The following LGSN variants were observed in gnomAD, a reference collection of about 807,000 sequenced individuals.
LGSN encodes lengsin, lens protein with glutamine synthetase domain.
A neutral mutation model predicts 19.5 loss-of-function variants in LGSN; 21 were observed. The ratio of observed to expected loss-of-function variants is 1.07; its 90% CI spans 0.76 to 1.55. LGSN has a LOEUF of 1.55. Ranked by LOEUF, LGSN falls within the 40% of genes most tolerant of loss-of-function variation. The pLI is 0.00. For missense variants in LGSN, 673 were observed against 608.5 expected (o/e 1.11, Z -1.12); for synonymous variants, 257 against 215.6 (o/e 1.19, Z -1.68).
the LGSN span, among the ~76,000 whole-genome samples, chr6:63,386,988 C>A: frequency 6.6e-5 from 10 of 152,066 alleles, no homozygotes; most frequent in African/African-American, 1.9e-4. Context: ...GTAATCCCAG[C>A]AACTCAGGAG....
the LGSN span, among the ~76,000 whole-genome samples, chr6:63,439,213 G>A: frequency 1.3e-5 from 2 of 152,086 alleles, no homozygotes; most frequent in Admixed American, 6.6e-5. Context: ...GTGGGGTGGG[G>A]GCAGTGGGGA....
chr6:63,277,207 CAG>C lies in LGSN; in HGVS notation c.*2812_*2813del, dbSNP rs1174439780. ...AAACGGCTTCAAACACTGTGATTAT[CAG>C]ACTTTTTACAGCATCTTTACTCATT... On this transcript the variant is annotated 3_prime_UTR_variant, in exon 4 of 4. Coordinates refer to ENST00000370657, the MANE Select transcript of LGSN (RefSeq NM_016571.3). 3 of 152,142 alleles carry C rather than the reference CAG, an allele frequency of 2.0e-5. No homozygotes were observed. The highest frequency in any genetic ancestry group is 7.2e-5 in the African/African-American group (3 of 41,424). The allele number at this position is 152,142 out of a possible 1,614,324, so 9.4% of individuals were successfully genotyped here. A position where few individuals can be genotyped will look rare whatever the true frequency, so the allele number is the denominator to read the frequency against.
the LGSN span, among the ~76,000 whole-genome samples, chr6:63,329,192 T>C: frequency 6.6e-6 from 1 of 152,326 alleles, no homozygotes; most frequent in East Asian, 1.9e-4. Flanking sequence ...GCTTAGATCT[T>C]GGGCCAGTGC....
At chr6:63,554,023 A>G in the LGSN span, among the ~76,000 whole-genome samples, 3 of 152,224 alleles carry the variant, frequency 2.0e-5, no homozygotes, top group Admixed American at 6.5e-5. Context: ...AGAAATTTCC[A>G]TAGACATTGA....
chr6:63,532,902 A>G, the LGSN span, among the ~76,000 whole-genome samples: 1 of 152,184 alleles, frequency 6.6e-6, no homozygotes, highest in Non-Finnish European at 1.5e-5. Context: ...TAGCTAATCC[A>G]TTAATAATTA....
At chr6:63,415,796 G>A in the LGSN span, among the ~76,000 whole-genome samples, 1 of 152,140 alleles carries the variant, frequency 6.6e-6, no homozygotes, top group South Asian at 2.1e-4. Context: ...CTAAATTGTT[G>A]ATGCATTTTA....
At chr6:63,414,320 T>TA in the LGSN span, among the ~76,000 whole-genome samples, 11 of 152,280 alleles carry the variant, frequency 7.2e-5, no homozygotes. Flanking sequence ...ATCTGTAAAA[T>TA]ATCCCCCCAT....
the LGSN span, among the ~76,000 whole-genome samples, chr6:63,371,395 T>C: frequency 6.6e-6 from 1 of 152,232 alleles, no homozygotes; most frequent in African/African-American, 2.4e-5. Context: ...GAAAACGGCA[T>C]TTCCTCTAGG....
the LGSN span, among the ~76,000 whole-genome samples, chr6:63,466,894 C>CA: frequency 6.6e-6 from 1 of 151,952 alleles, no homozygotes; most frequent in Non-Finnish European, 1.5e-5. Context: ...ATGAGGAGTT[C>CA]AGGGGAAAGG....
At chr6:63,437,820 C>A in the LGSN span, among the ~76,000 whole-genome samples, 28 of 151,990 alleles carry the variant, frequency 1.8e-4, no homozygotes, top group Non-Finnish European at 3.7e-4. Flanking sequence ...ATCCCAGCTA[C>A]TTGGGAGGCT....
the LGSN span, among the ~76,000 whole-genome samples, chr6:63,359,959 A>T: frequency 6.6e-6 from 1 of 152,130 alleles, no homozygotes. Flanking sequence ...TGGGTTGAAA[A>T]TTATTTTCTT....
the LGSN span, among the ~76,000 whole-genome samples, chr6:63,342,759 C>T: frequency 2.0e-5 from 3 of 152,190 alleles, no homozygotes; most frequent in South Asian, 2.1e-4. Flanking sequence ...CTTTTTACAT[C>T]GATCAGAACC....
chr6:63,527,343 G>C, the LGSN span, among the ~76,000 whole-genome samples: 1 of 152,004 alleles, frequency 6.6e-6, no homozygotes, highest in African/African-American at 2.4e-5. Context: ...ACAGATTCTC[G>C]TATCACCACA....
At chr6:63,372,362 C>T in the LGSN span, among the ~76,000 whole-genome samples, 1 of 152,158 alleles carries the variant, frequency 6.6e-6, no homozygotes, top group Admixed American at 6.6e-5. Context: ...TCTGTACCCA[C>T]AAAAATCCAA....
At chr6:63,332,913 C>T in the LGSN span, among the ~76,000 whole-genome samples, 9 of 151,886 alleles carry the variant, frequency 5.9e-5, no homozygotes, top group East Asian at 1.9e-4. Context: ...CACGGACCCT[C>T]GCGGTGAGTG....
chr6:63,293,017 G>T (rs1031762861), intron 2 of LGSN, among the ~76,000 whole-genome samples: 2 of 151,962 alleles, frequency 1.3e-5, no homozygotes, highest in African/African-American at 4.8e-5. Context: ...TTTCAGAGTG[G>T]GGTAGGGGGG....
intron 3 of LGSN, 111 bp from the exon 4 acceptor site, chr6:63,281,331 A>ATATATATATATATATATATATAT (rs35210619): frequency 7.1e-6 from 1 of 140,666 alleles, no homozygotes; most frequent in Non-Finnish European, 1.4e-5. Context: ...ATATATATAT[A>ATATATATATATATATATATATAT]ATAAATATAT....
In LGSN at chr6:63,280,219, G is replaced by A. The variant is rs754962353; in HGVS notation, c.1332C>T (p.Ser444=). Residue 444 remains serine (S), a synonymous_variant, in exon 4 of 4, where the codon AGC becomes AGT. Transcript: ENST00000370657. ...SNEVLAGPDE[S]TDFYQVEPSE... ...AAGGTTCCACTTGGTAAAAGTCTGTGCTCTCATCTGGACCAGCCAAGACCT... is the reference window on the plus strand; with the variant it reads ...AAGGTTCCACTTGGTAAAAGTCTGTACTCTCATCTGGACCAGCCAAGACCT... 1 of 1,614,164 alleles carries A rather than the reference G, an allele frequency of 6.2e-7. No individual in the cohort carries two copies. The highest frequency in any genetic ancestry group is 8.5e-7 in the Non-Finnish European group (1 of 1,180,012).
At position 63,318,150 on chromosome 6, in the gene LGSN, G is replaced by A. The variant is rs7750847; in HGVS notation, c.30+1764C>T. On this transcript the variant is annotated intron_variant, in intron 1 of 3. Transcript: ENST00000370657. Reference sequence around the variant, plus strand: ...AATCTCAGTAAAATATTCTTTAGGGGAGTACCAAACCTAAGATTAATAACT... The same window carrying A: ...AATCTCAGTAAAATATTCTTTAGGGAAGTACCAAACCTAAGATTAATAACT... Among the ~76,000 whole-genome samples, 448 of 152,270 alleles carry A rather than the reference G, an allele frequency of 2.9e-3. 3 individuals are homozygous for A. The highest frequency in any genetic ancestry group is 0.01 in the African/African-American group (424 of 41,546).
Sources: gnomAD v4.1 joint callset for allele counts (sites outside exome capture counted in the v4.1 genomes callset) on GRCh38, gnomAD v4.1.1 for gene constraint, MANE v1.5 for transcripts, NCBI Gene and HGNC (gene_info 2026-07-23, HGNC 2026-07-21) for gene names.